Variants in THSD7A observed in about 807,000 individuals in gnomAD.
The protein encoded by THSD7A is thrombospondin type 1 domain containing 7A.
Under a neutral mutation model 231.3 loss-of-function variants are expected in THSD7A, and 96 were observed. The ratio of observed to expected loss-of-function variants is 0.41; its 90% CI spans 0.35 to 0.49. The LOEUF is 0.49. THSD7A is among the 20% of genes least tolerant of loss of function. THSD7A has a pLI of 0.05. For missense variants in THSD7A, 2,290 were observed against 2,070.2 expected, an observed-to-expected ratio of 1.11 and a Z score of -2.06; for synonymous variants, 940 against 743.3, an observed-to-expected ratio of 1.26 and a Z score of -4.30.
At chr7:11,562,057 T>C (rs1041121674) in intron 4 of THSD7A, among the ~76,000 whole-genome samples, 1 of 152,174 alleles carries the variant, frequency 6.6e-6, no homozygotes, top group African/African-American at 2.4e-5. Context: ...TAGAATGATA[T>C]AAGTTTTCAA....
intron 8 of THSD7A, among the ~76,000 whole-genome samples, chr7:11,473,747 T>A (rs1786032666): frequency 6.6e-6 from 1 of 152,126 alleles, no homozygotes; most frequent in Non-Finnish European, 1.5e-5. Flanking sequence ...ATTATAGTAC[T>A]CAAAAGCACC....
chr7:11,685,046 A>G (rs562449502), intron 1 of THSD7A, among the ~76,000 whole-genome samples: 1 of 152,012 alleles, frequency 6.6e-6, no homozygotes, highest in Non-Finnish European at 1.5e-5. Context: ...TTGGAACAGA[A>G]TAGAGGACAC....
chr7:11,710,691 A>C (rs1411006775), intron 1 of THSD7A, among the ~76,000 whole-genome samples: 1 of 150,878 alleles, frequency 6.6e-6, no homozygotes, highest in Admixed American at 6.6e-5. Flanking sequence ...TGAGGAAGAG[A>C]AGTTCTTTAT....
At chr7:11,559,085 C>A (rs549800104) in intron 4 of THSD7A, among the ~76,000 whole-genome samples, 2 of 152,232 alleles carry the variant, frequency 1.3e-5, no homozygotes, top group South Asian at 4.1e-4. Flanking sequence ...TTCCTAGAAG[C>A]TGGGAACAGT....
chr7:11,808,573 C>A (rs1035723025), intron 1 of THSD7A, among the ~76,000 whole-genome samples: 2 of 152,114 alleles, frequency 1.3e-5, no homozygotes, highest in African/African-American at 2.4e-5. Context: ...GGTTTTCTAT[C>A]ATATTTAAAA....
At chr7:11,710,152 G>C (rs573104312) in intron 1 of THSD7A, among the ~76,000 whole-genome samples, 1 of 150,690 alleles carries the variant, frequency 6.6e-6, no homozygotes, top group Admixed American at 6.6e-5. Context: ...AGTAAGTATA[G>C]GGTGAAGCCT....
intron 1 of THSD7A, among the ~76,000 whole-genome samples, chr7:11,728,501 A>G (rs1319317425): frequency 2.6e-5 from 4 of 151,810 alleles, no homozygotes; most frequent in Admixed American, 2.6e-4. Flanking sequence ...TGAACAAGAA[A>G]CTGACAAAGC....
chr7:11,742,467 T>C lies in THSD7A; in HGVS notation c.190+89290A>G, dbSNP rs538863280. ...TTGTTTTAAGAATATAGCTACTAGATGTAAAATCCTCAATCTAAATCATTA... is the reference window on the plus strand; with the variant it reads ...TTGTTTTAAGAATATAGCTACTAGACGTAAAATCCTCAATCTAAATCATTA... On this transcript the variant is annotated intron_variant, in intron 1 of 27. Transcript: ENST00000423059. 3.4e-4 allele frequency among the ~76,000 whole-genome samples: 51 copies of C among 151,840 alleles called. 1 individual carries two copies. In the South Asian group the frequency reaches 0.01, roughly 31 times the overall value.
intron 1 of THSD7A, among the ~76,000 whole-genome samples, chr7:11,680,009 T>C (rs150943132): frequency 3.9e-4 from 59 of 150,774 alleles, no homozygotes; most frequent in African/African-American, 1.4e-3. Context: ...TATAGACCAA[T>C]GGAACGTAAC....
intron 4 of THSD7A, among the ~76,000 whole-genome samples, chr7:11,582,300 C>T (rs900826263): frequency 2.0e-5 from 3 of 151,362 alleles, no homozygotes; most frequent in Non-Finnish European, 4.4e-5. Flanking sequence ...GTTATTAAAA[C>T]CAAAATATGT....
intron 1 of THSD7A, among the ~76,000 whole-genome samples, chr7:11,819,415 A>G (rs1166323051): frequency 1.3e-5 from 2 of 152,240 alleles, no homozygotes; most frequent in African/African-American, 4.8e-5. Context: ...AGCAACCAAG[A>G]TGCCTTTAAA....
intron 4 of THSD7A, among the ~76,000 whole-genome samples, chr7:11,556,572 C>A (rs1038368557): frequency 6.6e-6 from 1 of 151,894 alleles, no homozygotes; most frequent in African/African-American, 2.4e-5. Flanking sequence ...GCTCTTTCTC[C>A]TTTCCTGATA....
chr7:11,382,873 T>G (rs565706880), intron 23 of THSD7A, among the ~76,000 whole-genome samples: 1 of 151,488 alleles, frequency 6.6e-6, no homozygotes, highest in Non-Finnish European at 1.5e-5. Context: ...TAAAAAATAT[T>G]ATGAAATAAA....
intron 1 of THSD7A, among the ~76,000 whole-genome samples, chr7:11,741,706 AAAGT>A (rs1190007544): frequency 1.3e-5 from 2 of 151,482 alleles, no homozygotes; most frequent in African/African-American, 4.9e-5. Context: ...GGAAAAGTAT[AAAGT>A]AAGATAAGTC....
rs202179796 is a variant in THSD7A at position 11,683,562 on chromosome 7, AC to A, written c.191-46602del. Among the ~76,000 whole-genome samples, 131 of 152,154 alleles carry A rather than the reference AC, an allele frequency of 8.6e-4. 1 individual carries two copies. The East Asian group carries it at 0.023, about 27-fold the overall frequency. Reference sequence around the variant, plus strand: ...TGACATTACAACCAATCCCAAAGAAACAAAAAAGATCCTCAGATTCTACTAT... The same window carrying A: ...TGACATTACAACCAATCCCAAAGAAAAAAAAAGATCCTCAGATTCTACTAT... On this transcript the variant is annotated intron_variant, in intron 1 of 27. Transcript: ENST00000423059.
intron 1 of THSD7A, among the ~76,000 whole-genome samples, chr7:11,827,953 C>T (rs1785079016): frequency 6.6e-6 from 1 of 152,124 alleles, no homozygotes; most frequent in African/African-American, 2.4e-5. Flanking sequence ...GTGTCTTCTG[C>T]ACCCTAAATC....
intron 11 of THSD7A, among the ~76,000 whole-genome samples, chr7:11,450,051 A>G (rs887266737): frequency 6.6e-6 from 1 of 152,040 alleles, no homozygotes; most frequent in Non-Finnish European, 1.5e-5. Flanking sequence ...GCTCTTTGAA[A>G]CAGACTTCAA....
intron 6 of THSD7A, among the ~76,000 whole-genome samples, chr7:11,511,647 G>A (rs11976389): frequency 0.017 from 2,550 of 152,184 alleles, 62 homozygotes; most frequent in African/African-American, 0.057. Context: ...ACAACTATCT[G>A]ATCTTTGACA....
intron 1 of THSD7A, among the ~76,000 whole-genome samples, chr7:11,769,153 A>ATATATTTTTTTTTTTTTTT: frequency 1.4e-4 from 4 of 27,650 alleles, no homozygotes; most frequent in African/African-American, 3.7e-4. Flanking sequence ...ATATATATAT[A>ATATATTTTTTTTTTTTTTT]TTTTTTTTTT....
Sources: allele counts gnomAD v4.1 joint callset (sites outside exome capture counted in the v4.1 genomes callset), GRCh38; gene constraint gnomAD v4.1.1; transcripts MANE v1.5; gene names NCBI Gene and HGNC (gene_info 2026-07-23, HGNC 2026-07-21).